The following ZNF180 variants were observed in gnomAD, a reference collection of about 807,000 sequenced individuals.
ZNF180 encodes the protein zinc finger protein 180, also known as zinc finger protein 180 (HHZ168).
A neutral mutation model predicts 11.8 loss-of-function variants in ZNF180; 11 were observed. The ratio of observed to expected loss-of-function variants is 0.93; its 90% CI spans 0.59 to 1.55. The LOEUF (loss-of-function observed/expected upper bound fraction) is 1.55. Among genes scored for constraint, ZNF180 ranks in the 40% most tolerant of loss-of-function variants. ZNF180 has a pLI of 0.00. For missense variants in ZNF180, 773 were observed against 781.7 expected (o/e 0.99, Z 0.13); for synonymous variants, 287 against 257.7 (o/e 1.11, Z -1.09).
At chr19:44,480,249 G>A (rs189897818) in intron 3 of ZNF180, among the ~76,000 whole-genome samples, 2 of 152,218 alleles carry the variant, frequency 1.3e-5, no homozygotes, top group East Asian at 1.9e-4. Flanking sequence ...GGGACTACAG[G>A]TGTGCATCAC....
In ZNF180 at chr19:44,477,692, A is replaced by C; in HGVS notation, c.708T>G (p.Phe236Leu). Residue 236 changes from phenylalanine to leucine, a missense_variant, in exon 5 of 5, where the codon TTT becomes TTG. Transcript: ENST00000592529. ...ATTTATCTTTTGTTTGAGTTCTTGT[A>C]AACTGAATAAGGTGAATGCTCTGAG... is the stretch of plus-strand genomic sequence containing the variant. Reference protein sequence around the residue: ...KPPQSIHLIQFTRTQTKDKSY... With the variant: ...KPPQSIHLIQLTRTQTKDKSY... 6.2e-7 allele frequency: 1 copy of C among 1,614,006 alleles called. No individual in the cohort carries two copies. Among genetic ancestry groups the C allele is most frequent in the Non-Finnish European group, 8.5e-7 (1 of 1,179,924 alleles).
chr19:44,476,541 C>A lies in ZNF180; in HGVS notation c.1859G>T (p.Arg620Leu), dbSNP rs1404608941. The A allele has an allele frequency of 6.2e-7, 1 of 1,613,594 alleles. No homozygotes were observed. Among genetic ancestry groups the A allele is most frequent in the Non-Finnish European group, 8.5e-7 (1 of 1,179,896 alleles). The part of the protein sequence containing the change: ...QCGKTFSLSA[R>L]LIVHQRTHTG... Reference sequence around the variant, plus strand: ...ATGAGTTCTTTGATGCACAATAAGTCGAGCACTCAAGCTAAATGTTTTTCC... The same window carrying A: ...ATGAGTTCTTTGATGCACAATAAGTAGAGCACTCAAGCTAAATGTTTTTCC... The change falls in exon 5 of 5, where the codon CGA becomes CTA. Residue 620 changes from arginine (R) to leucine (L), a missense_variant. Transcript: ENST00000592529.
Position 44,491,826 on chromosome 19 carries a change from T to C in ZNF180, c.51+5458A>G, listed in dbSNP as rs564779671. Reference sequence around the variant, plus strand: ...CTCCTGGCCTCAAGTGATCCTCCCATGCTGGTCCCCCAAAGTGCTGGGATT... The same window carrying C: ...CTCCTGGCCTCAAGTGATCCTCCCACGCTGGTCCCCCAAAGTGCTGGGATT... On this transcript the variant is annotated intron_variant, in intron 2 of 4. Coordinates refer to ENST00000592529, the MANE Select transcript of ZNF180 (RefSeq NM_001278509.3). Among the ~76,000 whole-genome samples, 5 of 152,290 alleles carry C rather than the reference T, an allele frequency of 3.3e-5. No homozygotes were observed. In the East Asian group the frequency reaches 7.7e-4, roughly 24 times the overall value.
chr19:44,490,068 G>A (rs1297363780), intron 2 of ZNF180, among the ~76,000 whole-genome samples: 48,166 of 109,942 alleles, frequency 0.44, 12,048 homozygotes, highest in South Asian at 0.6. Context: ...GGGAAAGGAA[G>A]GGAAAGAAAG....
rs1225846494 is a variant in ZNF180, at chr19:44,475,307, G to C, written c.*1095C>G. 2.6e-5 allele frequency: 4 copies of C among 152,204 alleles called. No individual in the cohort carries two copies. The highest frequency in any genetic ancestry group is 5.9e-5 in the Non-Finnish European group (4 of 68,048). 9.4% of individuals were successfully genotyped at this position (152,204 alleles called of 1,614,324 possible). A position where few individuals can be genotyped will look rare whatever the true frequency, so the allele number is the denominator to read the frequency against. On this transcript the variant is annotated 3_prime_UTR_variant, in exon 5 of 5. Transcript: ENST00000592529. Reference sequence around the variant, plus strand: ...TCACATCAGGGAACATATCCCAGAGGAAAGAGACAATGCTACATGAGGGGA... The same window carrying C: ...TCACATCAGGGAACATATCCCAGAGCAAAGAGACAATGCTACATGAGGGGA...
At chr19:44,492,710 G>A (rs150659011) in intron 2 of ZNF180, among the ~76,000 whole-genome samples, 2 of 152,230 alleles carry the variant, frequency 1.3e-5, no homozygotes, top group East Asian at 1.9e-4. Flanking sequence ...GTATTCTTGG[G>A]GCAATAAAAT....
Position 44,478,016 on chromosome 19 carries a change from C to T in ZNF180, c.384G>A (p.Val128=), listed in dbSNP as rs757552045. The T allele has an allele frequency of 2.0e-5, 33 of 1,613,926 alleles. No individual in the cohort carries two copies. The highest frequency in any genetic ancestry group is 2.7e-5 in the Non-Finnish European group (32 of 1,179,968). ...DDPWLSSCEE[V]DDCKDQLEKQ... is the part of the protein sequence containing the mutation. ...TCTCCAACTGGTCTTTACAATCATC[C>T]ACTTCTTCACATGAAGATAACCAAG... is the stretch of plus-strand genomic sequence containing the variant. Residue 128 remains valine, a synonymous_variant, in exon 5 of 5, where the codon GTG becomes GTA. Transcript: ENST00000592529.
chr19:44,491,078 G>C (rs1970438274), intron 2 of ZNF180, among the ~76,000 whole-genome samples: 1 of 152,184 alleles, frequency 6.6e-6, no homozygotes, highest in African/African-American at 2.4e-5. Flanking sequence ...ACCATGCTTA[G>C]ATCACTACTG....
rs756705406 is a variant in ZNF180, at chr19:44,477,039, A to G, written c.1361T>C (p.Ile454Thr). The G allele has an allele frequency of 9.3e-6, 15 of 1,613,872 alleles. No individual in the cohort carries two copies. The highest frequency in any genetic ancestry group is 1.7e-5 in the Admixed American group (1 of 59,990). Reference sequence around the variant, plus strand: ...CCCAGTATGAATTCTTTGATGTGCAATAAGTTTATAGCTCTGGATAAATGA... The same window carrying G: ...CCCAGTATGAATTCTTTGATGTGCAGTAAGTTTATAGCTCTGGATAAATGA... ...GKSFIQSYKL[I>T]AHQRIHTGEK... is the part of the protein sequence containing the mutation. The change falls in exon 5 of 5, where the codon ATT (isoleucine) becomes ACT (threonine). Residue 454 changes from isoleucine to threonine, a missense_variant. Physicochemically the swap from Ile to Thr is moderately conservative, Grantham distance 89 (BLOSUM62 -1). Transcript: ENST00000592529.
In ZNF180 at chr19:44,476,941, T is replaced by C. The variant is rs753218342; in HGVS notation, c.1459A>G (p.Thr487Ala). The C allele has an allele frequency of 8.7e-6, 14 of 1,613,922 alleles. No individual in the cohort carries two copies. In the African/African-American group the frequency reaches 1.7e-4, roughly 20 times the overall value. The change falls in exon 5 of 5, where the codon ACT (threonine) becomes GCT (alanine). Residue 487 changes from threonine (T) to alanine (A), a missense_variant. Coordinates refer to ENST00000592529, the MANE Select transcript of ZNF180 (RefSeq NM_001278509.3). ...TCAAAGGGTTTTTCTCCTGTGTGAGTTCTCTGATGAGCAACAAGTTTATAA... is the reference window on the plus strand; with the variant it reads ...TCAAAGGGTTTTTCTCCTGTGTGAGCTCTCTGATGAGCAACAAGTTTATAA... Reference protein sequence around the residue: ...QSYKLVAHQRTHTGEKPFECN... With the variant: ...QSYKLVAHQRAHTGEKPFECN...
At chr19:44,492,707 T>C (rs1039868059) in intron 2 of ZNF180, among the ~76,000 whole-genome samples, 1 of 152,210 alleles carries the variant, frequency 6.6e-6, no homozygotes, top group African/African-American at 2.4e-5. Flanking sequence ...GAGGTATTCT[T>C]GGGGCAATAA....
At chr19:44,488,947 C>T (rs1414884339) in intron 2 of ZNF180, among the ~76,000 whole-genome samples, 3 of 151,310 alleles carry the variant, frequency 2.0e-5, no homozygotes, top group African/African-American at 7.3e-5. Flanking sequence ...AGCCCCTCCG[C>T]CCGGCAGCCG....
intron 1 of ZNF180, among the ~76,000 whole-genome samples, chr19:44,499,756 C>T (rs867044607): frequency 6.6e-6 from 1 of 152,174 alleles, no homozygotes; most frequent in Admixed American, 6.5e-5. Flanking sequence ...CCAACCACAG[C>T]GCCCCCAGAC....
intron 2 of ZNF180, chr19:44,496,672 C>CAAAAAAAAAAAAAAAAAAAA (rs55678572): frequency 2.8e-5 from 2 of 71,622 alleles, no homozygotes; most frequent in African/African-American, 7.0e-5. Context: ...GACTCTGTCT[C>CAAAAAAAAAAAAAAAAAAAA]AAAAAAAAAA....
intron 2 of ZNF180, among the ~76,000 whole-genome samples, chr19:44,491,072 T>A (rs576589461): frequency 6.6e-6 from 1 of 152,244 alleles, no homozygotes; most frequent in Non-Finnish European, 1.5e-5. Context: ...GACTCCACCA[T>A]GCTTAGATCA....
At chr19:44,487,838 T>A (rs1353071057) in intron 2 of ZNF180, among the ~76,000 whole-genome samples, 1 of 152,138 alleles carries the variant, frequency 6.6e-6, no homozygotes, top group Non-Finnish European at 1.5e-5. Flanking sequence ...GTGACTCTCC[T>A]GCCTCAGCCT....
At position 44,484,364 on chromosome 19, in the gene ZNF180, A is replaced by AC; in HGVS notation, c.122_123insG (p.Gln42SerfsTer62). On this transcript the variant is annotated frameshift_variant, in exon 3 of 5. Coordinates refer to ENST00000592529, the MANE Select transcript of ZNF180 (RefSeq NM_001278509.3). LOFTEE classifies it high-confidence loss of function. The stretch of plus-strand genomic sequence containing the variant: ...ACAGAGGCCTTGCCCAACCTACCTG[A>AC]GATGGGATGGTCAGAGACCCAGTGT... The AC allele has an allele frequency of 6.2e-7, 1 of 1,611,968 alleles. No homozygotes were observed. Among genetic ancestry groups the AC allele is most frequent in the East Asian group, 2.2e-5 (1 of 44,866 alleles).
In ZNF180 at chr19:44,498,652, C is replaced by G. The variant is rs1341652199; in HGVS notation, c.-43-1275G>C. On this transcript the variant is annotated intron_variant, in intron 1 of 4. Coordinates refer to ENST00000592529, the MANE Select transcript of ZNF180 (RefSeq NM_001278509.3). ...CGGCCTCCTGTTTCCCAACCAAACA[C>G]CGGTGTGTGTGCACAAGGGGTGCCT... Among the ~76,000 whole-genome samples, 3 of 152,332 alleles carry G rather than the reference C, an allele frequency of 2.0e-5. No individual in the cohort carries two copies. In the South Asian group the frequency reaches 6.2e-4, roughly 32 times the overall value.
chr19:44,475,151 C>A lies in ZNF180; in HGVS notation c.*1251G>T, dbSNP rs1439604552. ...CAAATTCATGATTCAAGGGAAAGGT[C>A]AGAAAGACATGTTAATCAAATCTTA... On this transcript the variant is annotated 3_prime_UTR_variant, in exon 5 of 5. Coordinates refer to ENST00000592529, the MANE Select transcript of ZNF180 (RefSeq NM_001278509.3). 1.3e-5 allele frequency: 2 copies of A among 152,272 alleles called. No individual in the cohort carries two copies. The highest frequency in any genetic ancestry group is 4.8e-5 in the African/African-American group (2 of 41,550). The allele number at this position is 152,272 out of a possible 1,614,324, so 9.4% of individuals were successfully genotyped here.
Sources: allele counts gnomAD v4.1 joint callset (sites outside exome capture counted in the v4.1 genomes callset), GRCh38; gene constraint gnomAD v4.1.1; transcripts MANE v1.5; gene names NCBI Gene and HGNC (gene_info 2026-07-23, HGNC 2026-07-21).